The following ZNF608 variants were observed in gnomAD, a reference collection of about 807,000 sequenced individuals.
ZNF608 encodes the protein renal carcinoma antigen NY-REN-36.
ZNF608 carries 12 observed loss-of-function variants against 109.0 expected under a neutral mutation model. The observed-to-expected ratio is 0.11, with a 90% CI of 0.07 to 0.18. ZNF608 has a LOEUF of 0.18. ZNF608 is among the 10% of genes least tolerant of loss of function. The probability of loss-of-function intolerance (pLI) is 1.00; values close to 1 mark genes in which losing one functional copy is unlikely to be tolerated. For synonymous variants in ZNF608, 732 were observed against 717.4 expected, an observed-to-expected ratio of 1.02 and a Z score of -0.33; for missense variants, 1,707 against 1,879.3, an observed-to-expected ratio of 0.91 and a Z score of 1.70.
rs115195029 is a variant in ZNF608, at chr5:124,650,184, T to C, written c.1163-487A>G. 8.1e-3 allele frequency among the ~76,000 whole-genome samples: 1,240 copies of C among 152,368 alleles called. 18 individuals are homozygous for C. Among genetic ancestry groups the C allele is most frequent in the African/African-American group, 0.029 (1,194 of 41,586 alleles). On this transcript the variant is annotated intron_variant, in intron 3 of 9. Coordinates refer to ENST00000513986, the MANE Select transcript of ZNF608 (RefSeq NM_020747.3). Reference sequence around the variant, plus strand: ...GATTTTTATTAAGAAAAAATAATTATGCAGGTGCATAAAAATAGGCATAGA... The same window carrying C: ...GATTTTTATTAAGAAAAAATAATTACGCAGGTGCATAAAAATAGGCATAGA...
At chr5:124,678,963 G>C (rs1034240501) in intron 3 of ZNF608, among the ~76,000 whole-genome samples, 3 of 152,156 alleles carry the variant, frequency 2.0e-5, no homozygotes, top group Non-Finnish European at 4.4e-5. Context: ...TCTTATTGCC[G>C]TGCAGCAGAC....
At chr5:124,690,924 AACACAC>A (rs35022360) in intron 3 of ZNF608, among the ~76,000 whole-genome samples, 9 of 86,910 alleles carry the variant, frequency 1.0e-4, no homozygotes, top group Non-Finnish European at 1.9e-4. Context: ...GCAACAGAAA[AACACAC>A]ACACACACAC....
At chr5:124,676,869 T>C (rs1187959738) in intron 3 of ZNF608, among the ~76,000 whole-genome samples, 1 of 152,142 alleles carries the variant, frequency 6.6e-6, no homozygotes, top group African/African-American at 2.4e-5. Flanking sequence ...ATTTAGGAAT[T>C]TAGAGGTATA....
chr5:124,724,916 G>A (rs1056500832), intron 2 of ZNF608, among the ~76,000 whole-genome samples: 1 of 152,008 alleles, frequency 6.6e-6, no homozygotes, highest in Non-Finnish European at 1.5e-5. Context: ...CCTCCTCTGC[G>A]CAAAGCCCCC....
At chr5:124,649,545 T>G in intron 4 of ZNF608, 65 bp downstream of exon 4, 1 of 1,318,870 alleles carries the variant, frequency 7.6e-7, no homozygotes, top group Non-Finnish European at 1.1e-6. Context: ...ATTATGAATC[T>G]CTCTCTACAG....
intron 3 of ZNF608, among the ~76,000 whole-genome samples, chr5:124,686,718 T>A (rs1322750601): frequency 1.3e-5 from 2 of 152,218 alleles, no homozygotes; most frequent in Non-Finnish European, 2.9e-5. Context: ...ACACATTAAA[T>A]GTTCTCAGTC....
At chr5:124,712,081 A>T (rs192153861) in intron 2 of ZNF608, among the ~76,000 whole-genome samples, 2 of 152,272 alleles carry the variant, frequency 1.3e-5, no homozygotes, top group Admixed American at 1.3e-4. Context: ...CAGGAGGCAG[A>T]GGTTGCAGTG....
At chr5:124,658,993 G>A (rs1751132441) in intron 3 of ZNF608, among the ~76,000 whole-genome samples, 1 of 151,946 alleles carries the variant, frequency 6.6e-6, no homozygotes, top group African/African-American at 2.4e-5. Context: ...GTGGCCCTGG[G>A]CACATAGCAC....
chr5:124,748,570 T>G, upstream of ZNF608: 1 of 985,430 alleles, frequency 1.0e-6, no homozygotes, highest in Non-Finnish European at 1.2e-6. Flanking sequence ...TCCTTCTAAC[T>G]GCATTGAATG....
chr5:124,710,516 A>G, intron 2 of ZNF608: 1 of 250,832 alleles, frequency 4.0e-6, no homozygotes, highest in Non-Finnish European at 8.0e-6. Context: ...CACCCAAAGC[A>G]TCGTGGGTCG....
At chr5:124,715,804 T>C in intron 2 of ZNF608, among the ~76,000 whole-genome samples, 3 of 152,276 alleles carry the variant, frequency 2.0e-5, no homozygotes, top group Middle Eastern at 6.8e-3. Context: ...ATGAAAACCA[T>C]ACTCCATAAC....
At chr5:124,658,396 A>G (rs948594209) in intron 3 of ZNF608, among the ~76,000 whole-genome samples, 1 of 152,232 alleles carries the variant, frequency 6.6e-6, no homozygotes, top group Non-Finnish European at 1.5e-5. Context: ...CTGAATATGT[A>G]CATGTATAGA....
chr5:124,704,183 G>A (rs370516521), intron 2 of ZNF608, among the ~76,000 whole-genome samples: 4 of 152,288 alleles, frequency 2.6e-5, no homozygotes, highest in East Asian at 1.9e-4. Flanking sequence ...ATAGCACTCC[G>A]ATGTGATAAT....
At position 124,730,341 on chromosome 5, in the gene ZNF608, A is replaced by G. The variant is rs977388229; in HGVS notation, c.906+13743T>C. ...AAATTTAACATGTTTAAGACCCAATATACTTACAGAGCTGAAATCCAACAA... is the reference window on the plus strand; with the variant it reads ...AAATTTAACATGTTTAAGACCCAATGTACTTACAGAGCTGAAATCCAACAA... On this transcript the variant is annotated intron_variant, in intron 2 of 9. Coordinates refer to ENST00000513986, the MANE Select transcript of ZNF608 (RefSeq NM_020747.3). Among the ~76,000 whole-genome samples the G allele has an allele frequency of 2.0e-5, 3 of 152,230 alleles. No homozygotes were observed. In the East Asian group the frequency reaches 5.8e-4, roughly 29 times the overall value.
At chr5:124,717,075 T>G (rs1753734134) in intron 2 of ZNF608, among the ~76,000 whole-genome samples, 1 of 150,824 alleles carries the variant, frequency 6.6e-6, no homozygotes, top group African/African-American at 2.4e-5. Flanking sequence ...ACAGCAAAAC[T>G]CCATCTCAAA....
At chr5:124,687,634 G>A (rs1174292160) in intron 3 of ZNF608, among the ~76,000 whole-genome samples, 3 of 152,076 alleles carry the variant, frequency 2.0e-5, no homozygotes, top group Admixed American at 2.0e-4. Context: ...TAGATACCCT[G>A]CAATTGTGCC....
intron 2 of ZNF608, among the ~76,000 whole-genome samples, chr5:124,730,481 G>A (rs1369296114): frequency 2.0e-5 from 3 of 152,190 alleles, no homozygotes; most frequent in Non-Finnish European, 4.4e-5. Flanking sequence ...TCTTGCAGAT[G>A]TACTGACTCC....
rs1451405948 is a variant in ZNF608, at chr5:124,744,232, C to T, written c.758G>A (p.Gly253Glu). ...GGCGACGCTGCCACTCCCAGTGCCC[C>T]CGCAGTGGAAGGGGCTCGCGCCACC... ...NGGGASPFHC[G>E]GTGSGSVAAA... The change falls in exon 2 of 10, where the codon GGG becomes GAG. Residue 253 changes from glycine (G) to glutamate (E), a missense_variant. This residue lies in a region of ZNF608 where 407 missense variants were observed against 398.7 expected (regional missense o/e 1.02). Transcript: ENST00000513986. The surrounding 1 kb of genome is among the most constrained non-coding windows in gnomAD (Gnocchi z 4.5). The T allele has an allele frequency of 5.6e-6, 9 of 1,613,758 alleles. No homozygotes were observed. In the African/African-American group the frequency reaches 1.2e-4, roughly 22 times the overall value.
chr5:124,704,690 G>A (rs1478024124), intron 2 of ZNF608, among the ~76,000 whole-genome samples: 1 of 152,034 alleles, frequency 6.6e-6, no homozygotes, highest in African/African-American at 2.4e-5. Flanking sequence ...ATTCCTCATG[G>A]CATCAACTGA....
Sources: gnomAD v4.1 joint callset for allele counts (sites outside exome capture counted in the v4.1 genomes callset) on GRCh38, gnomAD v4.1.1 for gene constraint, gnomAD v4.1.1 regional missense constraint, Gnocchi (gnomAD v3.1) non-coding constraint, MANE v1.5 for transcripts, NCBI Gene and HGNC (gene_info 2026-07-23, HGNC 2026-07-21) for gene names.